Variants in UBR3 observed in about 807,000 individuals in gnomAD.
UBR3 encodes the protein E3 ubiquitin-protein ligase UBR3.
UBR3 carries 85 observed loss-of-function variants against 243.2 expected under a neutral mutation model. The ratio of observed to expected loss-of-function variants is 0.35; its 90% CI spans 0.29 to 0.42. UBR3 has a LOEUF of 0.42. UBR3 is among the 10% of genes least tolerant of loss of function. UBR3 has a pLI of 1.00. For missense variants in UBR3, 1,686 were observed against 2,300.8 expected, an observed-to-expected ratio of 0.73 and a Z score of 5.47; for synonymous variants, 748 against 799.8, an observed-to-expected ratio of 0.94 and a Z score of 1.09.
chr2:170,006,475 A>G (rs1476629245), intron 27 of UBR3, among the ~76,000 whole-genome samples: 1 of 152,214 alleles, frequency 6.6e-6, no homozygotes, highest in Non-Finnish European at 1.5e-5. Flanking sequence ...TGAAATGAGC[A>G]CTAACTCAGT....
intron 25 of UBR3, among the ~76,000 whole-genome samples, chr2:169,990,233 T>C (rs2089211315): frequency 6.6e-6 from 1 of 152,170 alleles, no homozygotes; most frequent in Non-Finnish European, 1.5e-5. Flanking sequence ...AAAACACTGC[T>C]TAATTAAGGG....
chr2:169,845,519 GTCGTCGTCGTCGTCT>G lies in UBR3; in HGVS notation c.545+17470_545+17484del, dbSNP rs1389392192. Among the ~76,000 whole-genome samples, 122 of 145,338 alleles carry G rather than the reference GTCGTCGTCGTCGTCT, an allele frequency of 8.4e-4. 1 individual carries two copies. The highest frequency in any genetic ancestry group is 2.2e-3 in the African/African-American group (88 of 39,402). On this transcript the variant is annotated intron_variant, in intron 1 of 38. Coordinates refer to ENST00000272793, the MANE Select transcript of UBR3 (RefSeq NM_172070.4). ...CGTCGTCATCGTCGTCGTCGTCGTC[GTCGTCGTCGTCGTCT>G]TCTTCTTCTTCTTCTTCTTTCTTCT...
intron 33 of UBR3, among the ~76,000 whole-genome samples, chr2:170,057,759 A>G (rs1404493584): frequency 6.6e-6 from 1 of 152,258 alleles, no homozygotes; most frequent in East Asian, 1.9e-4. Flanking sequence ...TTATCAGAAC[A>G]TTAATTAGAA....
intron 25 of UBR3, among the ~76,000 whole-genome samples, chr2:169,987,542 T>C (rs1354406419): frequency 6.6e-6 from 1 of 151,490 alleles, no homozygotes; most frequent in African/African-American, 2.4e-5. Context: ...TGAATTGGTA[T>C]GTTTAGCAGT....
chr2:170,060,027 A>G (rs1432081332), intron 33 of UBR3, among the ~76,000 whole-genome samples: 1 of 152,204 alleles, frequency 6.6e-6, no homozygotes, highest in Non-Finnish European at 1.5e-5. Flanking sequence ...GAGGAACTAT[A>G]GAAAGACCAA....
chr2:169,876,788 T>G (rs2083634559), intron 3 of UBR3, among the ~76,000 whole-genome samples: 1 of 152,104 alleles, frequency 6.6e-6, no homozygotes, highest in African/African-American at 2.4e-5. Flanking sequence ...GGTCTTGAGC[T>G]CCTGACCTCG....
chr2:169,947,825 T>G, intron 22 of UBR3, 110 bp downstream of exon 22: 4 of 1,249,636 alleles, frequency 3.2e-6, no homozygotes, highest in Non-Finnish European at 4.0e-6. Flanking sequence ...TGGTTGTAGA[T>G]AACTTTAAAT....
intron 2 of UBR3, among the ~76,000 whole-genome samples, chr2:169,874,511 A>G (rs1014622767): frequency 3.9e-5 from 6 of 152,184 alleles, no homozygotes; most frequent in Non-Finnish European, 7.4e-5. Flanking sequence ...TTAAAATTAA[A>G]GAAATTAAAG....
At chr2:169,954,223 G>GTCTTGTCTTC (rs1311219124) in intron 23 of UBR3, among the ~76,000 whole-genome samples, 1,671 of 124,458 alleles carry the variant, frequency 0.013, 28 homozygotes, top group African/African-American at 0.035. Context: ...GTCTTGTCTT[G>GTCTTGTCTTC]TCTTCTCTTC....
In UBR3 at chr2:169,986,708, T is replaced by C. The variant is rs756141713; in HGVS notation, c.3698T>C (p.Val1233Ala). 1.9e-6 allele frequency: 3 copies of C among 1,614,078 alleles called. No individual in the cohort carries two copies. The Admixed American group carries it at 5.0e-5, about 27-fold the overall frequency. ...GCAGAACCACAGGTTTCCGAGGCAG[T>C]ATATGACTGTGTTATTTGTGGACAG... ...TTAEPQVSEA[V>A]YDCVICGQSG... The change falls in exon 25 of 39, where the codon GTA (valine) becomes GCA (alanine). Residue 1233 changes from valine (V) to alanine (A), a missense_variant. Val to Ala is a moderately conservative substitution (Grantham distance 64). Transcript: ENST00000272793.
intron 24 of UBR3, among the ~76,000 whole-genome samples, chr2:169,980,868 G>A (rs1301039422): frequency 1.3e-5 from 2 of 148,906 alleles, no homozygotes; most frequent in African/African-American, 5.0e-5. Flanking sequence ...TTAAGAACTG[G>A]GGCAGGGAAC....
intron 1 of UBR3, among the ~76,000 whole-genome samples, chr2:169,852,660 G>A (rs541170123): frequency 1.9e-4 from 28 of 151,000 alleles, no homozygotes; most frequent in Non-Finnish European, 3.7e-4. Flanking sequence ...TTGACCAACG[G>A]GGTGAAGCCC....
chr2:169,881,902 T>A (rs1297713369), intron 5 of UBR3, among the ~76,000 whole-genome samples: 6 of 95,676 alleles, frequency 6.3e-5, no homozygotes, highest in African/African-American at 1.9e-4. Context: ...TGTATACATA[T>A]AGGTATATGT....
intron 6 of UBR3, among the ~76,000 whole-genome samples, chr2:169,892,628 G>C (rs2084419887): frequency 6.6e-6 from 1 of 152,172 alleles, no homozygotes; most frequent in Admixed American, 6.5e-5. Context: ...TACATGGAAG[G>C]AATGGCTTTG....
chr2:169,842,683 A>G (rs1346664848), intron 1 of UBR3, among the ~76,000 whole-genome samples: 1 of 151,788 alleles, frequency 6.6e-6, no homozygotes, highest in Non-Finnish European at 1.5e-5. Context: ...CTGTAGCTTC[A>G]CTCCTGAGCC....
intron 32 of UBR3, among the ~76,000 whole-genome samples, chr2:170,050,785 G>A (rs942848226): frequency 6.6e-6 from 1 of 152,052 alleles, no homozygotes; most frequent in African/African-American, 2.4e-5. Flanking sequence ...AAAAGATGTT[G>A]GTGTTACACA....
At chr2:169,851,974 A>G (rs1426078296) in intron 1 of UBR3, among the ~76,000 whole-genome samples, 1 of 152,228 alleles carries the variant, frequency 6.6e-6, no homozygotes, top group African/African-American at 2.4e-5. Context: ...ACATGAAGAC[A>G]TCTTTTGAGA....
intron 36 of UBR3, chr2:170,077,139 T>C: frequency 1.9e-6 from 1 of 525,244 alleles, no homozygotes; most frequent in South Asian, 1.6e-5. Flanking sequence ...CATGTAAGGC[T>C]GTTTGGTAGT....
chr2:169,890,542 T>TATATATATACAC (rs1553504409), intron 5 of UBR3, among the ~76,000 whole-genome samples: 1,088 of 61,366 alleles, frequency 0.018, 60 homozygotes, highest in East Asian at 0.053. Context: ...GAGAGAGAGA[T>TATATATATACAC]ATATATATAT....
Sources: allele counts gnomAD v4.1 joint callset (sites outside exome capture counted in the v4.1 genomes callset), GRCh38; gene constraint gnomAD v4.1.1; transcripts MANE v1.5; gene names NCBI Gene and HGNC (gene_info 2026-07-23, HGNC 2026-07-21).